The following SEC24C variants were observed in gnomAD, a reference collection of about 807,000 sequenced individuals.
SEC24C encodes the protein SEC24 homolog C, COPII component, also known as protein transport protein Sec24C.
SEC24C carries 22 observed loss-of-function variants against 117.0 expected under a neutral mutation model. That is an observed-to-expected ratio of 0.19 (90% CI 0.13 to 0.27). The LOEUF is 0.27. Ranked by LOEUF, SEC24C falls within the 10% of genes least tolerant of loss-of-function variation. SEC24C has a pLI of 1.00. For missense variants in SEC24C, 1,155 were observed against 1,375.1 expected (o/e 0.84, Z 2.53); for synonymous variants, 506 against 529.4 (o/e 0.96, Z 0.61).
intron 1 of SEC24C, among the ~76,000 whole-genome samples, chr10:73,744,722 T>TA (rs963317316): frequency 6.6e-6 from 1 of 152,106 alleles, no homozygotes; most frequent in African/African-American, 2.4e-5. Flanking sequence ...AACGTGGCCC[T>TA]AGAAGCCGAC....
rs771546535 is a variant in SEC24C, at chr10:73,765,480, A to G, written c.1257A>G (p.Glu419=). The change falls in exon 9 of 23, where the codon GAA becomes GAG. Residue 419 remains glutamate, a synonymous_variant. Transcript: ENST00000345254. The part of the protein sequence containing the change: ...EASPYVVDHG[E]SGPLRCNRCK... Reference sequence around the variant, plus strand: ...CACCGTATGTTGTGGACCATGGGGAATCTGGCCCTTTGCGCTGCAACCGCT... The same window carrying G: ...CACCGTATGTTGTGGACCATGGGGAGTCTGGCCCTTTGCGCTGCAACCGCT... 17 of 1,613,746 alleles carry G rather than the reference A, an allele frequency of 1.1e-5. No homozygotes were observed. The Admixed American group carries it at 1.8e-4, about 17-fold the overall frequency.
In SEC24C at chr10:73,770,022, T is replaced by A; in HGVS notation, c.2862+7T>A. 1 of 1,613,596 alleles carries A rather than the reference T, an allele frequency of 6.2e-7. No homozygotes were observed. Among genetic ancestry groups the A allele is most frequent in the Non-Finnish European group, 8.5e-7 (1 of 1,179,636 alleles). The stretch of plus-strand genomic sequence containing the variant: ...CCCTCGGCTCTTACCTTTGGTGCGA[T>A]TGAGGGTTGGAGTATGAGATCTTGC... On this transcript the variant is annotated splice_region_variant and intron_variant, in intron 20 of 22. Coordinates refer to ENST00000345254, the MANE Select transcript of SEC24C (RefSeq NM_198597.3).
Position 73,769,114 on chromosome 10 carries a change from G to A in SEC24C, c.2386G>A (p.Asp796Asn). The change falls in exon 17 of 23, where the codon GAC (aspartate) becomes AAC (asparagine). Residue 796 changes from aspartate (D) to asparagine (N), a missense_variant. Coordinates refer to ENST00000345254, the MANE Select transcript of SEC24C (RefSeq NM_198597.3). This position sits in a 1 kb window ranked among gnomAD's most constrained non-coding sequence, Gnocchi z 4.5. ...DKTVTVEFKH[D>N]DRLNEESGAL... ...AACAGTGACTGTGGAGTTCAAGCATGACGATCGGCTCAATGAAGAGAGCGG... is the reference window on the plus strand; with the variant it reads ...AACAGTGACTGTGGAGTTCAAGCATAACGATCGGCTCAATGAAGAGAGCGG... 1 of 1,614,232 alleles carries A rather than the reference G, an allele frequency of 6.2e-7. No homozygotes were observed. Among genetic ancestry groups the A allele is most frequent in the Non-Finnish European group, 8.5e-7 (1 of 1,180,038 alleles).
Position 73,771,320 on chromosome 10 carries a change from C to G in SEC24C, c.*225C>G. 1 of 554,338 alleles carries G rather than the reference C, an allele frequency of 1.8e-6. No homozygotes were observed. Among genetic ancestry groups the G allele is most frequent in the Non-Finnish European group, 3.2e-6 (1 of 313,598 alleles). 34.3% of individuals were successfully genotyped at this position (554,338 alleles called of 1,614,324 possible). On this transcript the variant is annotated 3_prime_UTR_variant, in exon 23 of 23. Coordinates refer to ENST00000345254, the MANE Select transcript of SEC24C (RefSeq NM_198597.3). Reference sequence around the variant, plus strand: ...GTTCCCTCATTCTACCCTCTTTTTCCTGCTAATCCTGTCATAATGAATGTA... The same window carrying G: ...GTTCCCTCATTCTACCCTCTTTTTCGTGCTAATCCTGTCATAATGAATGTA...
rs1165895792 is a variant in SEC24C, at chr10:73,771,198, G to C, written c.*103G>C. 2 of 1,357,314 alleles carry C rather than the reference G, an allele frequency of 1.5e-6. No homozygotes were observed. Among genetic ancestry groups the C allele is most frequent in the Admixed American group, 2.1e-5 (1 of 47,078 alleles). 84.1% of individuals were successfully genotyped at this position (1,357,314 alleles called of 1,614,324 possible). On this transcript the variant is annotated 3_prime_UTR_variant, in exon 23 of 23. Transcript: ENST00000345254. ...ACATATCTTATGTAAGCTGACCTCA[G>C]TCTCTCTGGGGGGAGGGGGAGATAT...
At chr10:73,755,645 C>G (rs1420284459) in intron 3 of SEC24C, among the ~76,000 whole-genome samples, 2 of 151,748 alleles carry the variant, frequency 1.3e-5, no homozygotes, top group African/African-American at 4.8e-5. Flanking sequence ...CCACTGCACT[C>G]CAGCCTGGGC....
In SEC24C at chr10:73,759,612, C is replaced by G. The variant is rs2082763470; in HGVS notation, c.309-10C>G. 1.3e-6 allele frequency: 2 copies of G among 1,503,142 alleles called. No homozygotes were observed. The highest frequency in any genetic ancestry group is 4.8e-5 in the East Asian group (2 of 41,914). 93.1% of individuals were successfully genotyped at this position (1,503,142 alleles called of 1,614,324 possible). A position where few individuals can be genotyped will look rare whatever the true frequency, so the allele number is the denominator to read the frequency against. On this transcript the variant is annotated splice_polypyrimidine_tract_variant and intron_variant, in intron 3 of 22. Transcript: ENST00000345254. ...CCCACTAGTCACCTCTGCTTGCTTT[C>G]TTTTCACAGGCTGCCTGGGTCTCAG...
intron 9 of SEC24C, 89 bp downstream of exon 9, chr10:73,765,678 C>A: frequency 6.3e-7 from 1 of 1,583,318 alleles, no homozygotes; most frequent in Non-Finnish European, 8.6e-7. Context: ...GAGGGTCCAT[C>A]TTTCAGGAGC....
Position 73,760,053 on chromosome 10 carries a change from T to C in SEC24C, c.517T>C (p.Phe173Leu). The C allele has an allele frequency of 6.3e-7, 1 of 1,593,748 alleles. No homozygotes were observed. The highest frequency in any genetic ancestry group is 8.6e-7 in the Non-Finnish European group (1 of 1,167,412). ...ATCGCTGGCTTCAGCCTCAGGAAGTTTCCCTAACTCTGGTCTGTATGGCTC... is the reference window on the plus strand; with the variant it reads ...ATCGCTGGCTTCAGCCTCAGGAAGTCTCCCTAACTCTGGTCTGTATGGCTC... Reference protein sequence around the residue: ...PTSLASASGSFPNSGLYGSYP... With the variant: ...PTSLASASGSLPNSGLYGSYP... Residue 173 changes from phenylalanine to leucine, a missense_variant, in exon 5 of 23, where the codon TTC (phenylalanine) becomes CTC (leucine). Phe to Leu is a conservative substitution (Grantham distance 22, BLOSUM62 0). Transcript: ENST00000345254.
At chr10:73,767,506 A>G (rs1162539900) in intron 14 of SEC24C, among the ~76,000 whole-genome samples, 2 of 152,090 alleles carry the variant, frequency 1.3e-5, no homozygotes, top group African/African-American at 4.8e-5. Context: ...CGTCTCTACT[A>G]AAAATACAAA....
At chr10:73,754,537 A>G (rs2132534548) in intron 3 of SEC24C, among the ~76,000 whole-genome samples, 1 of 152,326 alleles carries the variant, frequency 6.6e-6, no homozygotes, top group African/African-American at 2.4e-5. Context: ...CTCAGTATCC[A>G]TGGGGGAATG....
In SEC24C at chr10:73,751,181, A is replaced by T; in HGVS notation, c.246A>T (p.Ala82=). The T allele has an allele frequency of 6.2e-7, 1 of 1,614,196 alleles. No individual in the cohort carries two copies. The highest frequency in any genetic ancestry group is 8.5e-7 in the Non-Finnish European group (1 of 1,180,012). Residue 82 remains alanine, a synonymous_variant, in exon 3 of 23, where the codon GCA becomes GCT. Coordinates refer to ENST00000345254, the MANE Select transcript of SEC24C (RefSeq NM_198597.3). ...STAQAPCGQA[A]YGQFGQGDVQ... is the part of the protein sequence containing the mutation. ...CACAGGCTCCTTGTGGCCAGGCTGCATATGGCCAGTTTGGCCAAGGAGATG... is the reference window on the plus strand; with the variant it reads ...CACAGGCTCCTTGTGGCCAGGCTGCTTATGGCCAGTTTGGCCAAGGAGATG...
chr10:73,757,628 AAGGCAC>A (rs2132542901), intron 3 of SEC24C, among the ~76,000 whole-genome samples: 1 of 152,004 alleles, frequency 6.6e-6, no homozygotes, highest in African/African-American at 2.4e-5. Context: ...TTATCGGAGA[AAGGCAC>A]TTTGATTAGA....
chr10:73,768,159 A>G, intron 15 of SEC24C, 152 bp downstream of exon 15: 1 of 645,280 alleles, frequency 1.5e-6, no homozygotes, highest in Non-Finnish European at 2.5e-6. Context: ...TGAGGCAGGC[A>G]GATCACCTGA....
rs2082940725 is a variant in SEC24C at position 73,769,563 on chromosome 10, A to G, written c.2564-52A>G. 1 of 1,612,520 alleles carries G rather than the reference A, an allele frequency of 6.2e-7. No individual in the cohort carries two copies. The highest frequency in any genetic ancestry group is 1.3e-5 in the African/African-American group (1 of 74,896). ...TGAGTGGGTAGTTGTGATGGTGGGA[A>G]TGCACACATGATGGGCAGCTGACCA... On this transcript the variant is annotated intron_variant, in intron 18 of 22. Coordinates refer to ENST00000345254, the MANE Select transcript of SEC24C (RefSeq NM_198597.3). The surrounding 1 kb of genome is among the most constrained non-coding windows in gnomAD (Gnocchi z 4.5).
At position 73,770,243 on chromosome 10, in the gene SEC24C, G is replaced by A. The variant is rs369457598; in HGVS notation, c.2863-37G>A. On this transcript the variant is annotated intron_variant, in intron 20 of 22. Transcript: ENST00000345254. ...TGCGGGGGGGCAGACTTGTCTTATGGTCCTTGGTAACCTTTTGCTCCCTTC... is the reference window on the plus strand; with the variant it reads ...TGCGGGGGGGCAGACTTGTCTTATGATCCTTGGTAACCTTTTGCTCCCTTC... The A allele has an allele frequency of 1.3e-5, 21 of 1,558,826 alleles. No homozygotes were observed. The African/African-American group carries it at 2.7e-4, about 20-fold the overall frequency.
Position 73,751,136 on chromosome 10 carries a change from G to A in SEC24C, c.201G>A (p.Gly67=). The change falls in exon 3 of 23, where the codon GGG becomes GGA. Residue 67 remains glycine, a synonymous_variant. Coordinates refer to ENST00000345254, the MANE Select transcript of SEC24C (RefSeq NM_198597.3). Reference sequence around the variant, plus strand: ...TGTCAAGAGCCCCACCTTCCTCGGGGGCACCTCCAGCCTCAACAGCACAGG... The same window carrying A: ...TGTCAAGAGCCCCACCTTCCTCGGGAGCACCTCCAGCCTCAACAGCACAGG... ...QGMSRAPPSS[G]APPASTAQAP... 6.2e-7 allele frequency: 1 copy of A among 1,614,060 alleles called. No individual in the cohort carries two copies. Among genetic ancestry groups the A allele is most frequent in the Non-Finnish European group, 8.5e-7 (1 of 1,179,976 alleles).
At position 73,771,310 on chromosome 10, in the gene SEC24C, CCT is replaced by C. The variant is rs2082979445; in HGVS notation, c.*218_*219del. On this transcript the variant is annotated 3_prime_UTR_variant, in exon 23 of 23. Coordinates refer to ENST00000345254, the MANE Select transcript of SEC24C (RefSeq NM_198597.3). ...AGGTGCCCCTGTTCCCTCATTCTAC[CCT>C]CTTTTTCCTGCTAATCCTGTCATAA... 1 of 569,144 alleles carries C rather than the reference CCT, an allele frequency of 1.8e-6. No homozygotes were observed. Among genetic ancestry groups the C allele is most frequent in the Non-Finnish European group, 3.1e-6 (1 of 323,016 alleles). The allele number at this position is 569,144 out of a possible 1,614,324, so 35.3% of individuals were successfully genotyped here.
At chr10:73,757,518 A>T (rs2082728209) in intron 3 of SEC24C, among the ~76,000 whole-genome samples, 1 of 137,036 alleles carries the variant, frequency 7.3e-6, no homozygotes, top group African/African-American at 2.7e-5. Flanking sequence ...CTCAAAAACT[A>T]AAAAAAAAAA....
Sources: gnomAD v4.1 joint callset for allele counts (sites outside exome capture counted in the v4.1 genomes callset) on GRCh38, gnomAD v4.1.1 for gene constraint, Gnocchi (gnomAD v3.1) non-coding constraint, MANE v1.5 for transcripts, NCBI Gene and HGNC (gene_info 2026-07-23, HGNC 2026-07-21) for gene names.